Variants in MYO5A observed in about 807,000 individuals in gnomAD.
MYO5A encodes unconventional myosin-Va.
A neutral mutation model predicts 249.7 loss-of-function variants in MYO5A; 98 were observed. That is an observed-to-expected ratio of 0.39 (90% confidence interval 0.33 to 0.46). MYO5A has a LOEUF of 0.46. Among genes scored for constraint, MYO5A ranks in the 20% least tolerant of loss-of-function variants. The pLI, the probability that MYO5A is intolerant of heterozygous loss-of-function variation, is 0.98. For synonymous variants in MYO5A, 778 were observed against 810.6 expected (o/e 0.96, Z 0.68); for missense variants, 1,696 against 2,308.8 (o/e 0.73, Z 5.44).
At chr15:52,328,090 A>ATAC in intron 35 of MYO5A, 84 bp from the exon 36 acceptor site, 6 of 1,129,326 alleles carry the variant, frequency 5.3e-6, no homozygotes, top group South Asian at 1.3e-5. Flanking sequence ...CACAGTTGTC[A>ATAC]TGTAAGAGTT....
intron 1 of MYO5A, chr15:52,505,655 C>A (rs1027202855): frequency 1.6e-6 from 2 of 1,268,948 alleles, no homozygotes; most frequent in Non-Finnish European, 2.3e-6. Flanking sequence ...ACAGATATGG[C>A]GAAATTAGAG....
chr15:52,479,717 C>T (rs1005708881), intron 1 of MYO5A, among the ~76,000 whole-genome samples: 2 of 152,162 alleles, frequency 1.3e-5, no homozygotes, highest in Non-Finnish European at 2.9e-5. Context: ...CCATATAATA[C>T]AGTAGCTTGG....
rs756674793 is a variant in MYO5A at position 52,353,848 on chromosome 15, T to G, written c.3567+23A>C. 35 of 1,612,650 alleles carry G rather than the reference T, an allele frequency of 2.2e-5. No individual in the cohort carries two copies. The South Asian group carries it at 3.6e-4, about 17-fold the overall frequency. On this transcript the variant is annotated intron_variant, in intron 26 of 41. Transcript: ENST00000399233. ...TGGACATAAAGCCCAGCTTCAGCTC[T>G]GCGGATGGGCTGTGCTGCGCACCTT...
intron 5 of MYO5A, among the ~76,000 whole-genome samples, chr15:52,413,445 G>C (rs1436257532): frequency 6.6e-6 from 1 of 152,244 alleles, no homozygotes; most frequent in South Asian, 2.1e-4. Context: ...CCTATGTTGA[G>C]AATGAGGAGC....
intron 1 of MYO5A, chr15:52,437,886 G>A (rs2075700821): frequency 4.3e-6 from 1 of 232,356 alleles, no homozygotes; most frequent in Admixed American, 6.5e-5. Flanking sequence ...ATAAGCAGTG[G>A]GAGGATAAGG....
chr15:52,383,640 G>A (rs754567980), intron 15 of MYO5A, among the ~76,000 whole-genome samples: 1 of 152,170 alleles, frequency 6.6e-6, no homozygotes, highest in Admixed American at 6.5e-5. Context: ...AGGGACCTAG[G>A]ATCAGGACTG....
intron 34 of MYO5A, among the ~76,000 whole-genome samples, chr15:52,334,097 T>C (rs145261417): frequency 6.6e-6 from 1 of 152,374 alleles, no homozygotes; most frequent in East Asian, 1.9e-4. Flanking sequence ...TACAGCTGTC[T>C]GGATAGTTTA....
intron 1 of MYO5A, 126 bp from the exon 2 acceptor site, chr15:52,433,411 C>CA: frequency 8.2e-6 from 3 of 366,904 alleles, no homozygotes; most frequent in Admixed American, 4.2e-5. Context: ...ACATGAAATT[C>CA]ACTTTTTTTT....
chr15:52,356,876 T>C (rs34549343), intron 25 of MYO5A, among the ~76,000 whole-genome samples: 1 of 147,744 alleles, frequency 6.8e-6, no homozygotes, highest in Non-Finnish European at 1.5e-5. Flanking sequence ...TTCAGAGTAG[T>C]GTTAAGTGTT....
chr15:52,478,636 G>C (rs570015451), intron 1 of MYO5A, among the ~76,000 whole-genome samples: 30 of 152,260 alleles, frequency 2.0e-4, no homozygotes, highest in South Asian at 6.2e-4. Flanking sequence ...AAGTTCTTCA[G>C]CTTAAGATCC....
At chr15:52,444,872 T>TCC (rs2075855862) in intron 1 of MYO5A, among the ~76,000 whole-genome samples, 1 of 152,212 alleles carries the variant, frequency 6.6e-6, no homozygotes, top group Non-Finnish European at 1.5e-5. Context: ...CTTAACATGG[T>TCC]AAGATTTAAG....
chr15:52,372,784 G>A (rs539576995), intron 20 of MYO5A, among the ~76,000 whole-genome samples: 1 of 152,208 alleles, frequency 6.6e-6, no homozygotes, highest in East Asian at 1.9e-4. Context: ...AACAGAACCA[G>A]GCATCCTGTA....
At chr15:52,388,012 C>A (rs1333400305) in intron 13 of MYO5A, 100 bp from the exon 14 acceptor site, 2 of 857,564 alleles carry the variant, frequency 2.3e-6, no homozygotes. Flanking sequence ...GCTATACGAT[C>A]AACTCTCAGC....
intron 16 of MYO5A, among the ~76,000 whole-genome samples, chr15:52,381,592 C>G (rs1177942549): frequency 2.6e-5 from 4 of 152,062 alleles, no homozygotes; most frequent in African/African-American, 9.7e-5. Context: ...ACTTAAATGG[C>G]CATCAGTAGG....
Position 52,313,694 on chromosome 15 carries a change from T to G in MYO5A, c.*2A>C. ...TTGTCAATTTTTGCCTGGACATCACTTTCAGACCCGTGAAATGAAGCCCAG... is the reference window on the plus strand; with the variant it reads ...TTGTCAATTTTTGCCTGGACATCACGTTCAGACCCGTGAAATGAAGCCCAG... On this transcript the variant is annotated 3_prime_UTR_variant, in exon 42 of 42. Transcript: ENST00000399233. 6.2e-7 allele frequency: 1 copy of G among 1,614,158 alleles called. No homozygotes were observed. The highest frequency in any genetic ancestry group is 8.5e-7 in the Non-Finnish European group (1 of 1,180,020).
At chr15:52,461,687 G>T (rs1021528376) in intron 1 of MYO5A, among the ~76,000 whole-genome samples, 1 of 152,188 alleles carries the variant, frequency 6.6e-6, no homozygotes, top group East Asian at 1.9e-4. Context: ...GATCAGCCAG[G>T]TGTGGTCATT....
chr15:52,452,550 T>G (rs2076040895), intron 1 of MYO5A, among the ~76,000 whole-genome samples: 1 of 152,106 alleles, frequency 6.6e-6, no homozygotes, highest in Non-Finnish European at 1.5e-5. Context: ...CAGAGGAGAC[T>G]CCAAATCAGA....
intron 9 of MYO5A, among the ~76,000 whole-genome samples, chr15:52,402,681 C>A (rs948701385): frequency 5.3e-5 from 8 of 151,960 alleles, no homozygotes; most frequent in African/African-American, 1.7e-4. Context: ...CCTGTCTCTA[C>A]TAAAAATACA....
At chr15:52,386,384 T>C (rs2041974103) in intron 14 of MYO5A, among the ~76,000 whole-genome samples, 1 of 152,132 alleles carries the variant, frequency 6.6e-6, no homozygotes, top group South Asian at 2.1e-4. Context: ...TCAGCTAAAT[T>C]ACTTTGACAA....
Sources: gnomAD v4.1 joint callset for allele counts (sites outside exome capture counted in the v4.1 genomes callset) on GRCh38, gnomAD v4.1.1 for gene constraint, MANE v1.5 for transcripts, NCBI Gene and HGNC (gene_info 2026-07-23, HGNC 2026-07-21) for gene names.